LEF1: variants seen among roughly 807,000 people sequenced by gnomAD.
The protein encoded by LEF1 is lymphoid enhancer binding factor 1.
In LEF1, 14 loss-of-function variants were observed where a neutral mutation model predicts 51.2. The ratio of observed to expected loss-of-function variants is 0.27; its 90% CI spans 0.18 to 0.43. LEF1 has a LOEUF of 0.43. Among genes scored for constraint, LEF1 ranks in the 20% least tolerant of loss-of-function variants. The pLI, the probability that LEF1 is intolerant of heterozygous loss-of-function variation, is 1.00. For synonymous variants in LEF1, 185 were observed against 183.2 expected (o/e 1.01, Z -0.08); for missense variants, 386 against 512.0 (o/e 0.75, Z 2.37).
At position 108,103,089 on chromosome 4, in the gene LEF1, C is replaced by T. The variant is rs190464979; in HGVS notation, c.415-13832G>A. 7.2e-5 allele frequency among the ~76,000 whole-genome samples: 11 copies of T among 152,314 alleles called. No individual in the cohort carries two copies. In the East Asian group the frequency reaches 1.9e-3, roughly 27 times the overall value. ...TAAGAGCACGCAGCTCCCGTCACTA[C>T]GTGGGTCTCAAAAGTTGACCTAGAG... On this transcript the variant is annotated intron_variant, in intron 3 of 11. Transcript: ENST00000265165.
intron 1 of LEF1, chr4:108,165,392 T>A (rs1283337910): frequency 5.9e-6 from 3 of 506,456 alleles, no homozygotes; most frequent in Non-Finnish European, 1.0e-5. Flanking sequence ...GTATAAATAA[T>A]AACAAAACCA....
At chr4:108,102,690 G>A (rs1271416333) in intron 3 of LEF1, among the ~76,000 whole-genome samples, 1 of 152,164 alleles carries the variant, frequency 6.6e-6, no homozygotes, top group Non-Finnish European at 1.5e-5. Context: ...CTTACATACA[G>A]CAAATATGGA....
At chr4:108,066,556 T>C (rs1217271179) in intron 9 of LEF1, among the ~76,000 whole-genome samples, 1 of 152,196 alleles carries the variant, frequency 6.6e-6, no homozygotes, top group African/African-American at 2.4e-5. Flanking sequence ...GTCTAGAACA[T>C]AGCCAGCACA....
At chr4:108,105,003 T>C (rs1056683597) in intron 3 of LEF1, among the ~76,000 whole-genome samples, 13 of 152,266 alleles carry the variant, frequency 8.5e-5, no homozygotes, top group African/African-American at 3.1e-4. Context: ...GAAGAGAACG[T>C]GCAGACTCTA....
At chr4:108,112,434 C>T (rs1004080663) in intron 3 of LEF1, among the ~76,000 whole-genome samples, 8 of 152,120 alleles carry the variant, frequency 5.3e-5, no homozygotes, top group African/African-American at 1.9e-4. Context: ...ATGGCCAGTC[C>T]CACCCACCCA....
chr4:108,121,398 T>C (rs1742171282), intron 3 of LEF1, among the ~76,000 whole-genome samples: 1 of 152,138 alleles, frequency 6.6e-6, no homozygotes, highest in Non-Finnish European at 1.5e-5. Flanking sequence ...ACCCCAGAGG[T>C]ACAGACACTA....
At chr4:108,123,466 A>G (rs1420015839) in intron 3 of LEF1, among the ~76,000 whole-genome samples, 2 of 55,636 alleles carry the variant, frequency 3.6e-5, no homozygotes, top group African/African-American at 1.5e-4. Context: ...TTTTAAACCT[A>G]TTAGTCTACT....
intron 4 of LEF1, among the ~76,000 whole-genome samples, chr4:108,086,060 C>T (rs1739626119): frequency 6.6e-6 from 1 of 152,192 alleles, no homozygotes. Flanking sequence ...TTATCAACCA[C>T]TTGGCATGTA....
intron 9 of LEF1, among the ~76,000 whole-genome samples, chr4:108,066,524 C>A (rs1738090360): frequency 6.6e-6 from 1 of 152,172 alleles, no homozygotes; most frequent in Non-Finnish European, 1.5e-5. Flanking sequence ...GGTCTCAGCA[C>A]CACGCTCCCC....
intron 3 of LEF1, among the ~76,000 whole-genome samples, chr4:108,159,201 T>C (rs938931232): frequency 3.3e-5 from 5 of 152,134 alleles, no homozygotes; most frequent in African/African-American, 1.2e-4. Flanking sequence ...CGCTTCCAAT[T>C]ATTCTGACTA....
At chr4:108,146,992 C>T (rs1744034199) in intron 3 of LEF1, among the ~76,000 whole-genome samples, 1 of 152,134 alleles carries the variant, frequency 6.6e-6, no homozygotes, top group African/African-American at 2.4e-5. Flanking sequence ...AACTGAGGCT[C>T]AGTGGGGTGC....
rs117981240 is a variant in LEF1, at chr4:108,050,475, T to C, written c.*7-1724A>G. Among the ~76,000 whole-genome samples the C allele has an allele frequency of 2.6e-5, 4 of 152,192 alleles. No individual in the cohort carries two copies. In the East Asian group the frequency reaches 7.8e-4, roughly 30 times the overall value. On this transcript the variant is annotated intron_variant, in intron 11 of 11. Transcript: ENST00000265165. The stretch of plus-strand genomic sequence containing the variant: ...TGTGCCAGGCCCACAGAGGTATGGA[T>C]CTTGCACGCAGGAGGATCAAAGAGC...
At chr4:108,131,049 C>T (rs1742854119) in intron 3 of LEF1, among the ~76,000 whole-genome samples, 1 of 151,764 alleles carries the variant, frequency 6.6e-6, no homozygotes, top group Non-Finnish European at 1.5e-5. Context: ...GTGTATTTTC[C>T]AGGCTGAATT....
intron 3 of LEF1, among the ~76,000 whole-genome samples, chr4:108,091,692 T>C (rs932414831): frequency 6.6e-6 from 1 of 152,156 alleles, no homozygotes; most frequent in South Asian, 2.1e-4. Flanking sequence ...AATCTTCTAA[T>C]GCTTTTCGAG....
chr4:108,125,714 ATTTT>A (rs201464366), intron 3 of LEF1, among the ~76,000 whole-genome samples: 11 of 142,222 alleles, frequency 7.7e-5, no homozygotes, highest in Admixed American at 7.1e-4. Flanking sequence ...ACACCTTGGG[ATTTT>A]TTTTTTTTTT....
At chr4:108,132,803 G>T (rs1322638235) in intron 3 of LEF1, among the ~76,000 whole-genome samples, 1 of 149,974 alleles carries the variant, frequency 6.7e-6, no homozygotes, top group Non-Finnish European at 1.5e-5. Context: ...TGAGTAGCTA[G>T]AACTATAGGC....
intron 2 of LEF1, among the ~76,000 whole-genome samples, chr4:108,164,600 CTAATTA>C (rs1004585106): frequency 3.9e-5 from 6 of 152,086 alleles, no homozygotes; most frequent in African/African-American, 1.4e-4. Context: ...ATGCACATTC[CTAATTA>C]TAAGTTTTAT....
intron 3 of LEF1, among the ~76,000 whole-genome samples, chr4:108,126,563 G>A (rs1199621436): frequency 6.6e-6 from 1 of 151,944 alleles, no homozygotes; most frequent in Non-Finnish European, 1.5e-5. Flanking sequence ...AGCACCTTGG[G>A]TGGCCAAGGA....
intron 3 of LEF1, among the ~76,000 whole-genome samples, chr4:108,144,125 T>C (rs1464453911): frequency 6.6e-6 from 1 of 152,130 alleles, no homozygotes; most frequent in Non-Finnish European, 1.5e-5. Flanking sequence ...CTGGGACCCC[T>C]CTAGATGAGG....
Sources: allele counts gnomAD v4.1 joint callset (sites outside exome capture counted in the v4.1 genomes callset), GRCh38; gene constraint gnomAD v4.1.1; transcripts MANE v1.5; gene names NCBI Gene and HGNC (gene_info 2026-07-23, HGNC 2026-07-21).